NELL1: variants seen among roughly 807,000 people sequenced by gnomAD.
The protein encoded by NELL1 is neural EGFL like 1, also known as protein kinase C-binding protein NELL1.
Under a neutral mutation model 107.4 loss-of-function variants are expected in NELL1, and 76 were observed. The ratio of observed to expected loss-of-function variants is 0.71; its 90% confidence interval spans 0.59 to 0.86. The LOEUF (loss-of-function observed/expected upper bound fraction) is 0.86. Among genes scored for constraint, NELL1 ranks in the 40% least tolerant of loss-of-function variants. The pLI is 0.00. For synonymous variants in NELL1, 353 were observed against 341.2 expected, an observed-to-expected ratio of 1.03 and a Z score of -0.38; for missense variants, 1,024 against 1,005.5, an observed-to-expected ratio of 1.02 and a Z score of -0.25.
intron 14 of NELL1, among the ~76,000 whole-genome samples, chr11:21,350,771 C>G (rs73454983): frequency 1.6e-3 from 249 of 152,192 alleles, no homozygotes; most frequent in African/African-American, 5.8e-3. Flanking sequence ...CTAAACAGAT[C>G]AGTGGGAAGA....
chr11:21,184,402 G>A (rs1246698794), intron 13 of NELL1, among the ~76,000 whole-genome samples: 1 of 151,692 alleles, frequency 6.6e-6, no homozygotes, highest in Non-Finnish European at 1.5e-5. Context: ...CTGAGTAGCT[G>A]AGATTACAGG....
intron 14 of NELL1, among the ~76,000 whole-genome samples, chr11:21,234,699 T>C (rs1858156476): frequency 6.6e-6 from 1 of 152,194 alleles, no homozygotes; most frequent in African/African-American, 2.4e-5. Context: ...GACAAGCTGC[T>C]TCCTGGAAGT....
chr11:21,002,446 C>T (rs560383486), intron 12 of NELL1, among the ~76,000 whole-genome samples: 1 of 152,234 alleles, frequency 6.6e-6, no homozygotes, highest in East Asian at 1.9e-4. Flanking sequence ...GAAAGTCTTT[C>T]TGTTTGTCTG....
intron 4 of NELL1, among the ~76,000 whole-genome samples, chr11:20,880,107 C>T (rs1032338868): frequency 3.3e-5 from 5 of 152,184 alleles, no homozygotes; most frequent in South Asian, 2.1e-4. Context: ...TGATAATTGT[C>T]GAAATGTATG....
chr11:20,763,702 G>T (rs1856471252), intron 2 of NELL1, among the ~76,000 whole-genome samples: 1 of 152,240 alleles, frequency 6.6e-6, no homozygotes, highest in Non-Finnish European at 1.5e-5. Context: ...CCGAGCCACA[G>T]CGAGGGCTGA....
At chr11:21,441,332 TGTGTGTGTGTGTGTGTGTG>T (rs1853279165) in intron 15 of NELL1, among the ~76,000 whole-genome samples, 424 of 104,196 alleles carry the variant, frequency 4.1e-3, no homozygotes, top group African/African-American at 8.6e-3. Flanking sequence ...GGCTGTGACG[TGTGTGTGTGTGTGTGTGTG>T]TGTGTGTGTG....
At chr11:21,041,065 G>A (rs1023206476) in intron 12 of NELL1, among the ~76,000 whole-genome samples, 2 of 152,024 alleles carry the variant, frequency 1.3e-5, no homozygotes. Context: ...ACATCTATAA[G>A]CAAGCTACAA....
chr11:20,913,205 A>G (rs1366506644), intron 5 of NELL1, among the ~76,000 whole-genome samples: 1 of 152,078 alleles, frequency 6.6e-6, no homozygotes, highest in Non-Finnish European at 1.5e-5. Context: ...ATCTTCATCC[A>G]TATATTTACA....
intron 12 of NELL1, among the ~76,000 whole-genome samples, chr11:21,040,872 A>T (rs926708150): frequency 1.3e-5 from 2 of 152,216 alleles, no homozygotes; most frequent in African/African-American, 4.8e-5. Flanking sequence ...TTCTAAAAGG[A>T]TACCATTGTA....
intron 12 of NELL1, among the ~76,000 whole-genome samples, chr11:20,974,313 A>G (rs560289632): frequency 1.1e-4 from 17 of 152,204 alleles, no homozygotes; most frequent in Non-Finnish European, 1.8e-4. Flanking sequence ...AATACCTGTC[A>G]TCTTGCTCAG....
chr11:21,445,895 TG>T (rs1308683613), intron 15 of NELL1, among the ~76,000 whole-genome samples: 1 of 152,226 alleles, frequency 6.6e-6, no homozygotes, highest in Non-Finnish European at 1.5e-5. Context: ...TGAATAGATT[TG>T]GGAATTTCTC....
intron 13 of NELL1, among the ~76,000 whole-genome samples, chr11:21,208,180 C>T (rs1050897764): frequency 6.6e-5 from 10 of 151,976 alleles, no homozygotes; most frequent in African/African-American, 2.4e-4. Context: ...TTTGTATCCT[C>T]TGACCTACAT....
chr11:20,743,142 C>T (rs919337985), intron 2 of NELL1, among the ~76,000 whole-genome samples: 1 of 152,008 alleles, frequency 6.6e-6, no homozygotes, highest in Non-Finnish European at 1.5e-5. Flanking sequence ...CACTTAAGGT[C>T]AGGAGTTCGA....
chr11:20,991,432 A>C (rs1377703900), intron 12 of NELL1, among the ~76,000 whole-genome samples: 1 of 152,238 alleles, frequency 6.6e-6, no homozygotes, highest in Non-Finnish European at 1.5e-5. Flanking sequence ...TGTACCAATT[A>C]TGTGCAATAG....
chr11:20,980,669 T>C (rs1851732267), intron 12 of NELL1, among the ~76,000 whole-genome samples: 1 of 152,228 alleles, frequency 6.6e-6, no homozygotes, highest in African/African-American at 2.4e-5. Flanking sequence ...TGCATATCAA[T>C]TTATCTCTAA....
chr11:21,480,279 T>G (rs1854460530), intron 15 of NELL1, among the ~76,000 whole-genome samples: 1 of 152,220 alleles, frequency 6.6e-6, no homozygotes, highest in African/African-American at 2.4e-5. Flanking sequence ...AGTTTTGTTT[T>G]CATTCTTATT....
chr11:21,101,752 T>A (rs1854822086), intron 12 of NELL1, among the ~76,000 whole-genome samples: 2 of 152,230 alleles, frequency 1.3e-5, no homozygotes, highest in Admixed American at 1.3e-4. Context: ...CTTTGTCAGA[T>A]GAGTAGATTG....
In NELL1 at chr11:20,783,766, G is replaced by GC; in HGVS notation, c.273dup (p.Thr92HisfsTer24). 1 of 1,613,918 alleles carries GC rather than the reference G, an allele frequency of 6.2e-7. No individual in the cohort carries two copies. The highest frequency in any genetic ancestry group is 8.5e-7 in the Non-Finnish European group (1 of 1,179,914). ...GAACAAGAGTGAATTCACCATTTTGGCCACTGTACAGCAGAAGCCATCCAC... is the reference window on the plus strand; with the variant it reads ...GAACAAGAGTGAATTCACCATTTTGGCCCACTGTACAGCAGAAGCCATCCAC... On this transcript the variant is annotated frameshift_variant, in exon 3 of 20. Coordinates refer to ENST00000357134, the MANE Select transcript of NELL1 (RefSeq NM_006157.5). LOFTEE classifies it high-confidence loss of function.
Position 21,218,988 on chromosome 11 carries a change from C to T in NELL1, c.1427-10344C>T, listed in dbSNP as rs573569374. ...CTCTTCAATATATAGATTTTTATTC[C>T]TTTAGATAAACACAGTAGTGAGATT... On this transcript the variant is annotated intron_variant, in intron 13 of 19. Transcript: ENST00000357134. 1.6e-4 allele frequency among the ~76,000 whole-genome samples: 25 copies of T among 152,082 alleles called. No homozygotes were observed. The South Asian group carries it at 5.0e-3, about 30-fold the overall frequency.
Sources: gnomAD v4.1 joint callset for allele counts (sites outside exome capture counted in the v4.1 genomes callset) on GRCh38, gnomAD v4.1.1 for gene constraint, MANE v1.5 for transcripts, NCBI Gene and HGNC (gene_info 2026-07-23, HGNC 2026-07-21) for gene names.